The following N4BP1 variants were observed in gnomAD, a reference collection of about 807,000 sequenced individuals.
The protein encoded by N4BP1 is NEDD4-binding protein 1.
In N4BP1, 21 loss-of-function variants were observed where a neutral mutation model predicts 70.9. The observed-to-expected ratio is 0.30, with a 90% CI of 0.21 to 0.43. The LOEUF (loss-of-function observed/expected upper bound fraction) is 0.43, where lower values mean the gene tolerates loss of function less well. Among genes scored for constraint, N4BP1 ranks in the 20% least tolerant of loss-of-function variants. The pLI is 1.00. For missense variants in N4BP1, 936 were observed against 1,069.4 expected (o/e 0.88, Z 1.74); for synonymous variants, 387 against 394.6 (o/e 0.98, Z 0.23).
chr16:48,553,314 C>T (rs963125461), intron 3 of N4BP1, among the ~76,000 whole-genome samples: 12 of 152,164 alleles, frequency 7.9e-5, no homozygotes, highest in African/African-American at 2.7e-4. Context: ...CTTAATATAA[C>T]TTCCTGTATA....
chr16:48,570,928 A>T (rs1378742219), intron 1 of N4BP1, among the ~76,000 whole-genome samples: 1 of 152,180 alleles, frequency 6.6e-6, no homozygotes, highest in Non-Finnish European at 1.5e-5. Context: ...AATAGCTGGG[A>T]TTACAGGTGT....
chr16:48,548,712 T>A (rs1204884732), intron 4 of N4BP1, among the ~76,000 whole-genome samples: 1 of 151,696 alleles, frequency 6.6e-6, no homozygotes, highest in Non-Finnish European at 1.5e-5. Flanking sequence ...AGCCGGGTGT[T>A]CCCTGTAGTC....
In N4BP1 at chr16:48,553,600, G is replaced by C; in HGVS notation, c.1959C>G (p.Gly653=). ...AIAVEYFWKL[G]NRNITVFVPQ... is the part of the protein sequence containing the mutation. Reference sequence around the variant, plus strand: ...GGACAAATACAGTGATGTTTCTGTTGCCAAGCTTCCAAAAATATTCAACTG... The same window carrying C: ...GGACAAATACAGTGATGTTTCTGTTCCCAAGCTTCCAAAAATATTCAACTG... The change falls in exon 3 of 7, where the codon GGC becomes GGG. Residue 653 remains glycine, a synonymous_variant. Coordinates refer to ENST00000262384, the MANE Select transcript of N4BP1 (RefSeq NM_153029.4). 6.2e-7 allele frequency: 1 copy of C among 1,606,130 alleles called. No homozygotes were observed. Among genetic ancestry groups the C allele is most frequent in the Non-Finnish European group, 8.5e-7 (1 of 1,176,560 alleles).
chr16:48,582,832 G>T (rs1049965772), intron 1 of N4BP1, among the ~76,000 whole-genome samples: 1 of 152,194 alleles, frequency 6.6e-6, no homozygotes, highest in Non-Finnish European at 1.5e-5. Flanking sequence ...AGTGGCTCAT[G>T]CCTGTAATCC....
At chr16:48,592,649 G>C (rs1432687958) in intron 1 of N4BP1, among the ~76,000 whole-genome samples, 1 of 152,212 alleles carries the variant, frequency 6.6e-6, no homozygotes, top group African/African-American at 2.4e-5. Context: ...AGCTAGTTTA[G>C]TTCATATAAC....
At chr16:48,602,634 A>G (rs990057202) in intron 1 of N4BP1, among the ~76,000 whole-genome samples, 9 of 152,062 alleles carry the variant, frequency 5.9e-5, no homozygotes, top group African/African-American at 1.4e-4. Flanking sequence ...GGAAGTGCAA[A>G]AAAGGCCACC....
chr16:48,548,611 T>C (rs1597090697), intron 4 of N4BP1, among the ~76,000 whole-genome samples: 1 of 151,686 alleles, frequency 6.6e-6, no homozygotes, highest in Admixed American at 6.6e-5. Flanking sequence ...CTTTGGGAGG[T>C]TGAGGTGGGC....
chr16:48,551,955 T>C (rs1269137123), intron 3 of N4BP1, among the ~76,000 whole-genome samples: 2 of 152,042 alleles, frequency 1.3e-5, no homozygotes, highest in African/African-American at 4.8e-5. Flanking sequence ...GAGGCAGAGG[T>C]TGCAGAGAGC....
chr16:48,577,024 A>G lies in N4BP1; in HGVS notation c.199-14580T>C, dbSNP rs117507319. Among the ~76,000 whole-genome samples the G allele has an allele frequency of 4.0e-3, 606 of 152,250 alleles. 2 individuals carry two copies. The highest frequency in any genetic ancestry group is 6.6e-3 in the Non-Finnish European group (450 of 68,010). Reference sequence around the variant, plus strand: ...AGCAATCCTCCTGCCTCAGCCTCTCAAAGTGCTATGATTAAAGGTGTAAGC... The same window carrying G: ...AGCAATCCTCCTGCCTCAGCCTCTCGAAGTGCTATGATTAAAGGTGTAAGC... On this transcript the variant is annotated intron_variant, in intron 1 of 6. Coordinates refer to ENST00000262384, the MANE Select transcript of N4BP1 (RefSeq NM_153029.4).
chr16:48,592,257 C>T (rs978601643), intron 1 of N4BP1, among the ~76,000 whole-genome samples: 1 of 152,168 alleles, frequency 6.6e-6, no homozygotes, highest in Non-Finnish European at 1.5e-5. Flanking sequence ...ACAAAATCGG[C>T]TGACTGGGTT....
At chr16:48,589,302 AG>A (rs1404015404) in intron 1 of N4BP1, among the ~76,000 whole-genome samples, 1 of 152,168 alleles carries the variant, frequency 6.6e-6, no homozygotes, top group East Asian at 1.9e-4. Context: ...AGACCAAAGT[AG>A]GATGACAGGG....
At chr16:48,608,226 A>T (rs1597118090) in intron 1 of N4BP1, among the ~76,000 whole-genome samples, 1 of 152,210 alleles carries the variant, frequency 6.6e-6, no homozygotes, top group Non-Finnish European at 1.5e-5. Flanking sequence ...GACAGTCTCA[A>T]TCTCCTGATC....
intron 4 of N4BP1, among the ~76,000 whole-genome samples, chr16:48,550,180 G>A (rs1963646018): frequency 6.6e-6 from 1 of 152,168 alleles, no homozygotes; most frequent in Non-Finnish European, 1.5e-5. Flanking sequence ...CTACCTCGGT[G>A]TATCAGATTT....
At chr16:48,554,321 T>C (rs1009052444) in intron 2 of N4BP1, among the ~76,000 whole-genome samples, 3 of 152,166 alleles carry the variant, frequency 2.0e-5, no homozygotes, top group African/African-American at 7.2e-5. Context: ...CAGATAACTG[T>C]AAGTGAATGT....
chr16:48,546,982 G>A (rs1963600003), intron 5 of N4BP1, among the ~76,000 whole-genome samples: 1 of 152,204 alleles, frequency 6.6e-6, no homozygotes, highest in Admixed American at 6.5e-5. Context: ...CATTAACTGT[G>A]CCCAGAAGGT....
In N4BP1 at chr16:48,561,289, T is replaced by C. The variant is rs1208134722; in HGVS notation, c.1354A>G (p.Lys452Glu). ...FSQLPFKVEA[K>E]PCTSNCRINT... ...ATTCTACAATTTGAGGTACATGGTT[T>C]AGCTTCCACTTTGAATGGTAACTGA... The change falls in exon 2 of 7, where the codon AAA (lysine) becomes GAA (glutamate). Residue 452 changes from lysine (K) to glutamate (E), a missense_variant. Transcript: ENST00000262384. The C allele has an allele frequency of 1.2e-6, 2 of 1,613,790 alleles. No homozygotes were observed. Among genetic ancestry groups the C allele is most frequent in the African/African-American group, 1.3e-5 (1 of 74,936 alleles).
chr16:48,558,801 C>T (rs1963797928), intron 2 of N4BP1, among the ~76,000 whole-genome samples: 1 of 152,246 alleles, frequency 6.6e-6, no homozygotes, highest in African/African-American at 2.4e-5. Context: ...AGCTGCGGAT[C>T]ATTTGCTGGG....
At chr16:48,609,667 T>C in intron 1 of N4BP1, 108 bp downstream of exon 1, 1 of 1,016,680 alleles carries the variant, frequency 9.8e-7, no homozygotes, top group Non-Finnish European at 1.3e-6. Flanking sequence ...GAGACTGCGT[T>C]CCCAACCCAG....
intron 1 of N4BP1, among the ~76,000 whole-genome samples, chr16:48,568,081 C>A (rs1166527585): frequency 6.6e-6 from 1 of 152,198 alleles, no homozygotes; most frequent in Non-Finnish European, 1.5e-5. Flanking sequence ...CCCACAGAAG[C>A]CCCAATAAAG....
Sources: allele counts gnomAD v4.1 joint callset (sites outside exome capture counted in the v4.1 genomes callset), GRCh38; gene constraint gnomAD v4.1.1; transcripts MANE v1.5; gene names NCBI Gene and HGNC (gene_info 2026-07-23, HGNC 2026-07-21).